The following SRD5A2 variants were observed in gnomAD, a reference collection of about 807,000 sequenced individuals.
SRD5A2 encodes the protein 3-oxo-5-alpha-steroid 4-dehydrogenase 2.
Under a neutral mutation model 27.4 loss-of-function variants are expected in SRD5A2, and 30 were observed. The ratio of observed to expected loss-of-function variants is 1.10; its 90% CI spans 0.82 to 1.49. The LOEUF is 1.49. Among genes scored for constraint, SRD5A2 ranks in the 40% most tolerant of loss-of-function variants. The pLI is 0.00. For missense variants in SRD5A2, 348 were observed against 323.4 expected, an observed-to-expected ratio of 1.08 and a Z score of -0.58; for synonymous variants, 141 against 133.6, an observed-to-expected ratio of 1.06 and a Z score of -0.38.
chr2:31,629,756 C>A, the SRD5A2 span, among the ~76,000 whole-genome samples: 1 of 152,142 alleles, frequency 6.6e-6, no homozygotes, highest in Admixed American at 6.5e-5. Context: ...GCACCCCTAA[C>A]TTTCTGTCTG....
At chr2:31,647,090 A>T in the SRD5A2 span, among the ~76,000 whole-genome samples, 2 of 151,910 alleles carry the variant, frequency 1.3e-5, no homozygotes, top group South Asian at 2.1e-4. Context: ...GGTTGCAGTG[A>T]GCCGAGATCA....
chr2:31,544,218 A>G (rs1666198019), intron 1 of SRD5A2, among the ~76,000 whole-genome samples: 1 of 152,040 alleles, frequency 6.6e-6, no homozygotes, highest in African/African-American at 2.4e-5. Context: ...AAGTAAAAAG[A>G]GACATTTCTG....
At chr2:31,564,007 C>T (rs1013338777) in intron 1 of SRD5A2, among the ~76,000 whole-genome samples, 4 of 152,050 alleles carry the variant, frequency 2.6e-5, no homozygotes, top group African/African-American at 7.2e-5. Context: ...AAATATCCAA[C>T]ACCCAATGAG....
At chr2:31,565,904 C>T (rs924098073) in intron 1 of SRD5A2, among the ~76,000 whole-genome samples, 1 of 152,022 alleles carries the variant, frequency 6.6e-6, no homozygotes, top group Admixed American at 6.6e-5. Flanking sequence ...TATACACATT[C>T]TTTTCATGTT....
intron 1 of SRD5A2, among the ~76,000 whole-genome samples, chr2:31,575,213 T>C (rs985465433): frequency 1.3e-5 from 2 of 152,192 alleles, no homozygotes; most frequent in African/African-American, 4.8e-5. Context: ...GATGAGTAGT[T>C]TCCTTAGCAA....
At position 31,526,108 on chromosome 2, in the gene SRD5A2, A is replaced by ATATATATATATATGT. The variant is rs1558354427; in HGVS notation, c.*87_*88insACATATATATATATA. 6.2e-6 allele frequency: 5 copies of ATATATATATATATGT among 812,062 alleles called. No homozygotes were observed. In the African/African-American group the frequency reaches 1.1e-4, roughly 17 times the overall value. The allele number at this position is 812,062 out of a possible 1,614,324, so 50.3% of individuals were successfully genotyped here. On this transcript the variant is annotated 3_prime_UTR_variant, in exon 5 of 5. Coordinates refer to ENST00000622030, the MANE Select transcript of SRD5A2 (RefSeq NM_000348.4). ...AGACCTACTATTACATATATACGGG[A>ATATATATATATATGT]CTATTATATCATGAAAATTACAGTT...
At chr2:31,545,806 G>C (rs1351794227) in intron 1 of SRD5A2, among the ~76,000 whole-genome samples, 2 of 152,096 alleles carry the variant, frequency 1.3e-5, no homozygotes, top group Non-Finnish European at 2.9e-5. Context: ...CATGTGTCTA[G>C]AACACTCTAA....
intron 1 of SRD5A2, among the ~76,000 whole-genome samples, chr2:31,556,813 G>A (rs187011738): frequency 4.5e-4 from 69 of 152,290 alleles, no homozygotes; most frequent in African/African-American, 1.6e-3. Flanking sequence ...ACTTGTTGGA[G>A]TAATATTACA....
Position 31,529,457 on chromosome 2 carries a change from C to A in SRD5A2, c.548G>T (p.Gly183Val). ...TCCAGAAACATACGTAAACAAGCCA[C>A]CTGCGTGCAGAAGAATCGGAAGGTC... is the stretch of plus-strand genomic sequence containing the variant. ...PGEISYRIPQ[G>V]GLFTYVSGAN... The change falls in exon 4 of 5, where the codon GGT becomes GTT. Residue 183 changes from glycine (G) to valine (V), a missense_variant and splice_region_variant. Gly to Val is a moderately radical substitution (Grantham distance 109). Coordinates refer to ENST00000622030, the MANE Select transcript of SRD5A2 (RefSeq NM_000348.4). 6.2e-7 allele frequency: 1 copy of A among 1,612,566 alleles called. No homozygotes were observed. Among genetic ancestry groups the A allele is most frequent in the Non-Finnish European group, 8.5e-7 (1 of 1,179,130 alleles).
chr2:31,621,762 G>A, the SRD5A2 span, among the ~76,000 whole-genome samples: 1 of 151,922 alleles, frequency 6.6e-6, no homozygotes, highest in Non-Finnish European at 1.5e-5. Flanking sequence ...CTCTGATCTG[G>A]AGTAGCTAGA....
intron 1 of SRD5A2, among the ~76,000 whole-genome samples, chr2:31,552,000 C>G (rs1158259062): frequency 6.6e-6 from 1 of 151,742 alleles, no homozygotes; most frequent in African/African-American, 2.4e-5. Context: ...GCAAAGAGGT[C>G]TCAGACTTGA....
chr2:31,632,453 C>T, the SRD5A2 span, among the ~76,000 whole-genome samples: 77 of 152,322 alleles, frequency 5.1e-4, no homozygotes, highest in African/African-American at 1.6e-3. Flanking sequence ...CCCCAGGGGA[C>T]GAAGGTCCTC....
chr2:31,642,305 T>C, the SRD5A2 span, among the ~76,000 whole-genome samples: 25 of 152,142 alleles, frequency 1.6e-4, no homozygotes, highest in Non-Finnish European at 2.7e-4. Flanking sequence ...GAAGAAAACA[T>C]AGGAGACAAT....
intron 3 of SRD5A2, among the ~76,000 whole-genome samples, chr2:31,530,541 C>A (rs1665884789): frequency 6.6e-6 from 1 of 152,186 alleles, no homozygotes; most frequent in African/African-American, 2.4e-5. Context: ...AGGATATTAA[C>A]AACATTCAAA....
the SRD5A2 span, among the ~76,000 whole-genome samples, chr2:31,626,935 A>G: frequency 1.3e-5 from 2 of 152,170 alleles, no homozygotes; most frequent in South Asian, 2.1e-4. Flanking sequence ...AAGGAATGGT[A>G]CTAGCTCCTC....
chr2:31,560,765 C>G (rs1243194060), intron 1 of SRD5A2, among the ~76,000 whole-genome samples: 3 of 152,102 alleles, frequency 2.0e-5, no homozygotes, highest in Non-Finnish European at 4.4e-5. Context: ...AGTAGCTGCT[C>G]TATAATCCTA....
chr2:31,525,340 T>G lies in SRD5A2; in HGVS notation c.*856A>C, dbSNP rs1665753497. ...TTTTACACTACTCATTATTTGGATA[T>G]TGCCACTAGTTTCCAAAAACATGAG... On this transcript the variant is annotated 3_prime_UTR_variant, in exon 5 of 5. Transcript: ENST00000622030. 1 of 226,290 alleles carries G rather than the reference T, an allele frequency of 4.4e-6. No individual in the cohort carries two copies. The highest frequency in any genetic ancestry group is 8.8e-6 in the Non-Finnish European group (1 of 113,678). 14.0% of individuals were successfully genotyped at this position (226,290 alleles called of 1,614,324 possible). A position where few individuals can be genotyped will look rare whatever the true frequency, so the allele number is the denominator to read the frequency against.
rs1665752017 is a variant in SRD5A2, at chr2:31,525,255, T to C, written c.*941A>G. 4.5e-6 allele frequency: 1 copy of C among 223,188 alleles called. No homozygotes were observed. Among genetic ancestry groups the C allele is most frequent in the African/African-American group, 2.2e-5 (1 of 44,802 alleles). The allele number at this position is 223,188 out of a possible 1,614,324, so 13.8% of individuals were successfully genotyped here. A position where few individuals can be genotyped will look rare whatever the true frequency, so the allele number is the denominator to read the frequency against. On this transcript the variant is annotated 3_prime_UTR_variant, in exon 5 of 5. Coordinates refer to ENST00000622030, the MANE Select transcript of SRD5A2 (RefSeq NM_000348.4). ...TGCTTGGGGCTTCTGCTGTACTTCA[T>C]ATTGTTGTGGACATCTGGTGGAGGC...
the SRD5A2 span, among the ~76,000 whole-genome samples, chr2:31,656,393 C>T: frequency 2.6e-5 from 4 of 152,150 alleles, no homozygotes; most frequent in Admixed American, 2.6e-4. Context: ...TTTAAAAATG[C>T]CTCAGAATCC....
Sources: allele counts gnomAD v4.1 joint callset (sites outside exome capture counted in the v4.1 genomes callset), GRCh38; gene constraint gnomAD v4.1.1; transcripts MANE v1.5; gene names NCBI Gene and HGNC (gene_info 2026-07-23, HGNC 2026-07-21).